Variants in IFT81 observed in about 807,000 individuals in gnomAD.
IFT81 encodes intraflagellar transport protein 81 homolog.
Under a neutral mutation model 102.6 loss-of-function variants are expected in IFT81, and 72 were observed. The ratio of observed to expected loss-of-function variants is 0.70; its 90% confidence interval spans 0.58 to 0.85. IFT81 has a LOEUF of 0.85. Among genes scored for constraint, IFT81 ranks in the 40% least tolerant of loss-of-function variants. IFT81 has a pLI of 0.00. For synonymous variants in IFT81, 237 were observed against 242.7 expected (o/e 0.98, Z 0.22); for missense variants, 723 against 787.3 (o/e 0.92, Z 0.98).
chr12:110,181,917 A>G (rs1475974204), intron 12 of IFT81, among the ~76,000 whole-genome samples: 1 of 152,198 alleles, frequency 6.6e-6, no homozygotes, highest in African/African-American at 2.4e-5. Flanking sequence ...AGAAAAGGAC[A>G]TGGTCTCAAC....
At chr12:110,186,609 G>A (rs1223948962) in intron 12 of IFT81, among the ~76,000 whole-genome samples, 2 of 151,970 alleles carry the variant, frequency 1.3e-5, no homozygotes, top group Admixed American at 6.6e-5. Context: ...TACTTCCTGG[G>A]CTCAGGCGAT....
At chr12:110,180,322 T>C (rs1897270842) in intron 11 of IFT81, 100 bp from the exon 12 acceptor site, 2 of 520,296 alleles carry the variant, frequency 3.8e-6, no homozygotes, top group African/African-American at 1.9e-5. Flanking sequence ...TGTTGGGAAG[T>C]AGAGAAGAAA....
rs531678379 is a variant in IFT81, at chr12:110,132,472, A to G, written c.430-75A>G. On this transcript the variant is annotated intron_variant, in intron 4 of 18. Transcript: ENST00000242591. ...AAGAGTCTGTCTCAAAAAAAAAAAA[A>G]AAAGAAAGAAAGAAAGAAAGAAAAC... 176 of 666,706 alleles carry G rather than the reference A, an allele frequency of 2.6e-4. No individual in the cohort carries two copies. In the East Asian group the frequency reaches 2.8e-3, roughly 10 times the overall value. The allele number at this position is 666,706 out of a possible 1,614,324, so 41.3% of individuals were successfully genotyped here.
intron 17 of IFT81, 113 bp from the exon 18 acceptor site, chr12:110,209,058 C>T (rs2137599415): frequency 2.0e-6 from 1 of 500,242 alleles, no homozygotes. Context: ...GACTCCAGTA[C>T]CCTAAACTAT....
intron 10 of IFT81, among the ~76,000 whole-genome samples, chr12:110,155,739 A>T (rs1325605828): frequency 6.6e-6 from 1 of 152,142 alleles, no homozygotes. Flanking sequence ...TATGCATTGT[A>T]GCTTTTTTGT....
chr12:110,172,984 GAGGTGGGGGGGTCA>G, intron 11 of IFT81, among the ~76,000 whole-genome samples: 1 of 148,230 alleles, frequency 6.7e-6, no homozygotes, highest in African/African-American at 2.5e-5. Context: ...GTCCAGGAGG[GAGGTGGGGGGGTCA>G]GCCCCCCACC....
intron 12 of IFT81, among the ~76,000 whole-genome samples, chr12:110,190,549 G>C (rs1478708997): frequency 6.6e-6 from 1 of 151,990 alleles, no homozygotes; most frequent in Non-Finnish European, 1.5e-5. Context: ...CTGGTGCCTA[G>C]AACTGTGATT....
chr12:110,169,665 C>T (rs1435820939), intron 11 of IFT81, among the ~76,000 whole-genome samples: 2 of 152,098 alleles, frequency 1.3e-5, no homozygotes, highest in East Asian at 1.9e-4. Context: ...CGGGTTCAAG[C>T]GATTCTCATG....
chr12:110,144,833 A>G (rs1442621589), intron 9 of IFT81, among the ~76,000 whole-genome samples: 1 of 143,932 alleles, frequency 6.9e-6, no homozygotes, highest in Non-Finnish European at 1.5e-5. Context: ...TTTGTTCCCT[A>G]GAATTAAAAT....
At chr12:110,179,861 T>G (rs1897245821) in intron 11 of IFT81, among the ~76,000 whole-genome samples, 2 of 146,082 alleles carry the variant, frequency 1.4e-5, no homozygotes, top group South Asian at 2.1e-4. Context: ...ATATAATATA[T>G]GTACATATAA....
At position 110,129,020 on chromosome 12, in the gene IFT81, C is replaced by T; in HGVS notation, c.319C>T (p.Gln107Ter). 6.2e-7 allele frequency: 1 copy of T among 1,611,858 alleles called. No individual in the cohort carries two copies. Among genetic ancestry groups the T allele is most frequent in the Non-Finnish European group, 8.5e-7 (1 of 1,179,358 alleles). The change falls in exon 4 of 19, where the codon CAG becomes TAG. Residue 107 changes from glutamine to a stop codon, truncating the protein, a stop_gained. Coordinates refer to ENST00000242591, the MANE Select transcript of IFT81 (RefSeq NM_014055.4). LOFTEE classifies it high-confidence loss of function. ...VIYPVLHWLL[Q>*]RTNELKKRAY... ...TTACCCAGTGCTCCACTGGCTTCTT[C>T]AGAGGACTAATGAACTGAAGAAAAG... is the stretch of plus-strand genomic sequence containing the variant.
intron 11 of IFT81, among the ~76,000 whole-genome samples, chr12:110,180,091 G>A (rs1283897855): frequency 6.6e-6 from 1 of 152,074 alleles, no homozygotes; most frequent in Non-Finnish European, 1.5e-5. Flanking sequence ...GAATAGTGGG[G>A]AAAACAAATA....
intron 10 of IFT81, among the ~76,000 whole-genome samples, chr12:110,154,078 G>T (rs1023778800): frequency 6.6e-6 from 1 of 151,924 alleles, no homozygotes; most frequent in Non-Finnish European, 1.5e-5. Context: ...CCGCCTCCTG[G>T]GATCAAGCAA....
Position 110,205,616 on chromosome 12 carries a change from C to T in IFT81, c.1738C>T (p.Arg580Cys), listed in dbSNP as rs527626533. 6.5e-5 allele frequency: 104 copies of T among 1,602,820 alleles called. 4 individuals are homozygous for T. The South Asian group carries it at 1.1e-3, about 17-fold the overall frequency. The change falls in exon 17 of 19, where the codon CGT becomes TGT. Residue 580 changes from arginine (R) to cysteine (C), a missense_variant. Transcript: ENST00000242591. ...TTAGAACCTAGAAGTTCAACTTCGT[C>T]GTGCTACTGATGAGATGAAGGCATA... ...MIKNLEVQLR[R>C]ATDEMKAYIS... is the part of the protein sequence containing the mutation.
intron 10 of IFT81, among the ~76,000 whole-genome samples, chr12:110,153,037 T>C (rs2137398889): frequency 6.6e-6 from 1 of 152,310 alleles, no homozygotes; most frequent in Middle Eastern, 3.4e-3. Flanking sequence ...AATTTTTTCT[T>C]TTGTTGCCTG....
At chr12:110,148,324 T>A (rs1185190281) in intron 10 of IFT81, among the ~76,000 whole-genome samples, 1 of 152,036 alleles carries the variant, frequency 6.6e-6, no homozygotes, top group Non-Finnish European at 1.5e-5. Context: ...GCAAGAAAAC[T>A]TTCTAGGTGG....
chr12:110,165,641 T>C (rs1444899167), intron 11 of IFT81, among the ~76,000 whole-genome samples: 4 of 152,234 alleles, frequency 2.6e-5, no homozygotes, highest in African/African-American at 9.6e-5. Flanking sequence ...TTTTACTTCT[T>C]GTAAAAGGTG....
At chr12:110,145,089 G>GT (rs1895140709) in intron 9 of IFT81, among the ~76,000 whole-genome samples, 1 of 142,258 alleles carries the variant, frequency 7.0e-6, no homozygotes, top group Non-Finnish European at 1.5e-5. Context: ...CTGGAGTTCA[G>GT]TGACATGATC....
intron 10 of IFT81, among the ~76,000 whole-genome samples, chr12:110,149,019 T>C (rs1249384663): frequency 1.3e-5 from 2 of 152,208 alleles, no homozygotes; most frequent in Non-Finnish European, 2.9e-5. Flanking sequence ...TTAAACAGTA[T>C]CCTTAATGAT....
Sources: gnomAD v4.1 joint callset for allele counts (sites outside exome capture counted in the v4.1 genomes callset) on GRCh38, gnomAD v4.1.1 for gene constraint, MANE v1.5 for transcripts, NCBI Gene and HGNC (gene_info 2026-07-23, HGNC 2026-07-21) for gene names.